PCDHA9: variants seen among roughly 807,000 people sequenced by gnomAD.
The protein encoded by PCDHA9 is protocadherin alpha 9.
In PCDHA9, 62 loss-of-function variants were observed where a neutral mutation model predicts 62.0. The observed-to-expected ratio is 1.00, with a 90% CI of 0.81 to 1.23. The LOEUF (loss-of-function observed/expected upper bound fraction) is 1.23, where lower values mean the gene tolerates loss of function less well. Among genes scored for constraint, PCDHA9 ranks in the 50% most tolerant of loss-of-function variants. The probability of loss-of-function intolerance (pLI) is 0.00; values close to 1 mark genes in which losing one functional copy is unlikely to be tolerated. For missense variants in PCDHA9, 1,205 were observed against 1,249.8 expected, an observed-to-expected ratio of 0.96 and a Z score of 0.54; for synonymous variants, 557 against 567.6, an observed-to-expected ratio of 0.98 and a Z score of 0.27.
chr5:140,858,397 C>A, intron 1 of PCDHA9: 1 of 1,573,182 alleles, frequency 6.4e-7, no homozygotes, highest in Non-Finnish European at 8.7e-7. Flanking sequence ...TAGATGTGGA[C>A]GGGGAAGATC....
At chr5:140,967,057 A>T (rs1554229122) in intron 1 of PCDHA9, 1 of 1,612,704 alleles carries the variant, frequency 6.2e-7, no homozygotes, top group South Asian at 1.1e-5. Context: ...TGACGAGTGG[A>T]GCGCTCTTCG....
chr5:140,876,283 G>T, intron 1 of PCDHA9: 1 of 1,614,056 alleles, frequency 6.2e-7, no homozygotes, highest in Non-Finnish European at 8.5e-7. Context: ...CGATCCAGAC[G>T]AAGGACTTAA....
At chr5:140,997,720 G>C (rs973128921) in intron 3 of PCDHA9, among the ~76,000 whole-genome samples, 1 of 151,568 alleles carries the variant, frequency 6.6e-6, no homozygotes, top group African/African-American at 2.4e-5. Flanking sequence ...ACCTTTCTAC[G>C]TCAGTACATA....
At chr5:140,953,419 C>T (rs2094885258) in intron 1 of PCDHA9, among the ~76,000 whole-genome samples, 2 of 152,134 alleles carry the variant, frequency 1.3e-5, no homozygotes, top group Admixed American at 1.3e-4. Context: ...GGCTCCTCCC[C>T]TTTGTCCTTA....
intron 1 of PCDHA9, among the ~76,000 whole-genome samples, chr5:140,924,898 AAAAAAAATAAAAT>A (rs1214088536): frequency 1.9e-4 from 10 of 53,034 alleles, no homozygotes; most frequent in Non-Finnish European, 1.3e-4. Context: ...CTGTCTCAAA[AAAAAAAATAAAAT>A]AAAATAAAAT....
intron 1 of PCDHA9, among the ~76,000 whole-genome samples, chr5:140,880,837 A>G (rs2058501881): frequency 1.3e-5 from 2 of 152,230 alleles, no homozygotes; most frequent in African/African-American, 4.8e-5. Flanking sequence ...CATATTTTAA[A>G]TGGTTGACTA....
intron 3 of PCDHA9, among the ~76,000 whole-genome samples, chr5:141,000,387 CTCTCTCTCTATA>C (rs1217065500): frequency 3.9e-4 from 26 of 66,870 alleles, no homozygotes; most frequent in African/African-American, 1.1e-3. Context: ...CTCTCTCTCT[CTCTCTCTCTATA>C]TATATATATA....
intron 1 of PCDHA9, chr5:140,858,510 T>C: frequency 2.1e-6 from 3 of 1,437,158 alleles, no homozygotes; most frequent in African/African-American, 1.4e-5. Flanking sequence ...TTCTCAAATA[T>C]GTATCAGAAT....
intron 1 of PCDHA9, among the ~76,000 whole-genome samples, chr5:140,972,660 ATTTTTTT>A (rs11350929): frequency 8.5e-6 from 1 of 117,268 alleles, no homozygotes; most frequent in Admixed American, 9.2e-5. Flanking sequence ...AAGAAACCAA[ATTTTTTT>A]TTTTTTTTTT....
chr5:141,011,662 G>C lies in PCDHA9; in HGVS notation c.*1725G>C, dbSNP rs1166635893. On this transcript the variant is annotated 3_prime_UTR_variant, in exon 4 of 4. Coordinates refer to ENST00000532602, the MANE Select transcript of PCDHA9 (RefSeq NM_031857.2). The stretch of plus-strand genomic sequence containing the variant: ...CAAGACTTCTGCTGGCAAGGGAATG[G>C]ATAAAGCTGTTTTGTTCTAGTAACA... 2.0e-5 allele frequency: 3 copies of C among 153,688 alleles called. No homozygotes were observed. Among genetic ancestry groups the C allele is most frequent in the African/African-American group, 7.2e-5 (3 of 41,414 alleles). The allele number at this position is 153,688 out of a possible 1,614,324, so 9.5% of individuals were successfully genotyped here.
intron 1 of PCDHA9, chr5:140,852,818 G>A: frequency 1.0e-6 from 1 of 971,786 alleles, no homozygotes; most frequent in Non-Finnish European, 1.2e-6. Flanking sequence ...CCCGCCCTAA[G>A]TCCTCCAGTC....
At chr5:140,884,104 G>C in intron 1 of PCDHA9, 1 of 1,613,464 alleles carries the variant, frequency 6.2e-7, no homozygotes, top group African/African-American at 1.3e-5. Flanking sequence ...ATGAATTGCA[G>C]CTGGCGGCGG....
At chr5:140,862,334 C>A in intron 1 of PCDHA9, 1 of 329,810 alleles carries the variant, frequency 3.0e-6, no homozygotes, top group Non-Finnish European at 6.0e-6. Flanking sequence ...TGTAATTGAC[C>A]CTAACTTCAG....
At chr5:140,918,129 T>C (rs1299993749) in intron 1 of PCDHA9, among the ~76,000 whole-genome samples, 2 of 152,198 alleles carry the variant, frequency 1.3e-5, no homozygotes, top group African/African-American at 2.4e-5. Flanking sequence ...GCCATATTCC[T>C]AGGTATTTTC....
In PCDHA9 at chr5:141,010,283, C is replaced by T. The variant is rs1554262872; in HGVS notation, c.*346C>T. ...TGCTCCGGGGATCCTGTCTTGATGACACTTGCAGGGCAGGCTGAAAAGTTT... is the reference window on the plus strand; with the variant it reads ...TGCTCCGGGGATCCTGTCTTGATGATACTTGCAGGGCAGGCTGAAAAGTTT... On this transcript the variant is annotated 3_prime_UTR_variant, in exon 4 of 4. Transcript: ENST00000532602. 6.4e-7 allele frequency: 1 copy of T among 1,551,220 alleles called. No individual in the cohort carries two copies. The highest frequency in any genetic ancestry group is 1.4e-5 in the African/African-American group (1 of 73,110).
At chr5:140,917,281 T>A (rs1354421886) in intron 1 of PCDHA9, among the ~76,000 whole-genome samples, 1 of 151,298 alleles carries the variant, frequency 6.6e-6, no homozygotes, top group Admixed American at 6.6e-5. Context: ...GTAATGACGC[T>A]TTTCCGTGTG....
At chr5:140,959,269 C>A (rs1334380683) in intron 1 of PCDHA9, among the ~76,000 whole-genome samples, 1 of 151,924 alleles carries the variant, frequency 6.6e-6, no homozygotes, top group Non-Finnish European at 1.5e-5. Flanking sequence ...CCCAGCTACC[C>A]AGGAGCCTGA....
intron 3 of PCDHA9, among the ~76,000 whole-genome samples, chr5:140,993,129 G>A (rs1216210971): frequency 6.6e-6 from 1 of 152,160 alleles, no homozygotes; most frequent in Non-Finnish European, 1.5e-5. Flanking sequence ...ATTTCCTTCT[G>A]TTGCAACAAG....
chr5:140,870,168 C>A, intron 1 of PCDHA9: 1 of 1,614,108 alleles, frequency 6.2e-7, no homozygotes, highest in Admixed American at 1.7e-5. Context: ...CTTCCTTGTC[C>A]CTCCCAGTAC....
Sources: gnomAD v4.1 joint callset for allele counts (sites outside exome capture counted in the v4.1 genomes callset) on GRCh38, gnomAD v4.1.1 for gene constraint, MANE v1.5 for transcripts, NCBI Gene and HGNC (gene_info 2026-07-23, HGNC 2026-07-21) for gene names.